Variants in KIZ observed in about 807,000 individuals in gnomAD.
KIZ encodes kizuna centrosomal protein, also known as centrosomal protein kizuna.
Under a neutral mutation model 79.6 loss-of-function variants are expected in KIZ, and 68 were observed. That is an observed-to-expected ratio of 0.85 (90% CI 0.70 to 1.05). The LOEUF (loss-of-function observed/expected upper bound fraction) is 1.05, where lower values mean the gene tolerates loss of function less well. Among genes scored for constraint, KIZ ranks in the 50% least tolerant of loss-of-function variants. KIZ has a pLI of 0.00. For missense variants in KIZ, 797 were observed against 800.4 expected (o/e 1.00, Z 0.05); for synonymous variants, 280 against 281.8 (o/e 0.99, Z 0.06).
intron 2 of KIZ, among the ~76,000 whole-genome samples, chr20:21,134,473 C>T (rs778927674): frequency 6.6e-6 from 1 of 152,142 alleles, no homozygotes; most frequent in Non-Finnish European, 1.5e-5. Context: ...CACTAAGATT[C>T]ATACAAACCC....
chr20:21,240,712 GCCC>G (rs2037188894), intron 11 of KIZ, among the ~76,000 whole-genome samples: 2 of 151,788 alleles, frequency 1.3e-5, no homozygotes, highest in East Asian at 1.9e-4. Flanking sequence ...AGTCCATACG[GCCC>G]GCAAGCTAAG....
At chr20:21,205,414 G>T (rs140330456) in intron 6 of KIZ, 77 bp from the exon 7 acceptor site, 2 of 601,426 alleles carry the variant, frequency 3.3e-6, no homozygotes, top group Non-Finnish European at 5.8e-6. Flanking sequence ...TTCTACTAAC[G>T]TAATTGAGGC....
intron 4 of KIZ, among the ~76,000 whole-genome samples, chr20:21,157,414 G>C (rs917852448): frequency 2.0e-5 from 3 of 152,154 alleles, no homozygotes; most frequent in Admixed American, 1.3e-4. Context: ...GTCTGGCAAT[G>C]CTTGGCAAAA....
In KIZ at chr20:21,174,566, G is replaced by A. The variant is rs76898596; in HGVS notation, c.1352+11407G>A. Among the ~76,000 whole-genome samples the A allele has an allele frequency of 9.6e-3, 1,468 of 152,260 alleles. 26 individuals carry two copies. The highest frequency in any genetic ancestry group is 0.034 in the African/African-American group (1,394 of 41,546). ...CAGTGGCAATTTGACCTCTTACTCC[G>A]TCCATATTGATTTTTGTGCTTTCCA... On this transcript the variant is annotated intron_variant, in intron 6 of 12. Transcript: ENST00000619189.
At chr20:21,137,743 A>AT (rs2122393152) in intron 3 of KIZ, among the ~76,000 whole-genome samples, 1 of 152,136 alleles carries the variant, frequency 6.6e-6, no homozygotes, top group East Asian at 1.9e-4. Flanking sequence ...CTACATAATC[A>AT]TACCATTATC....
At chr20:21,153,144 A>G (rs887671339) in intron 4 of KIZ, among the ~76,000 whole-genome samples, 2 of 152,170 alleles carry the variant, frequency 1.3e-5, no homozygotes, top group Admixed American at 6.5e-5. Context: ...GATTGTTTTC[A>G]TAATATAAAT....
chr20:21,240,738 A>G (rs1037667287), intron 11 of KIZ, among the ~76,000 whole-genome samples: 3 of 152,196 alleles, frequency 2.0e-5, no homozygotes, highest in African/African-American at 7.2e-5. Flanking sequence ...TGGTTTTCAC[A>G]TTTTTAAATG....
intron 6 of KIZ, among the ~76,000 whole-genome samples, chr20:21,189,755 GAGA>G (rs759835118): frequency 1.2e-4 from 19 of 152,204 alleles, no homozygotes; most frequent in Admixed American, 2.0e-4. Context: ...TCCAGGTAAA[GAGA>G]AGGAGCCCTT....
chr20:21,161,891 T>C lies in KIZ; in HGVS notation c.426T>C (p.Ile142=), dbSNP rs1600415783. Residue 142 remains isoleucine, a synonymous_variant, in exon 5 of 13, where the codon ATT becomes ATC. Coordinates refer to ENST00000619189, the MANE Select transcript of KIZ (RefSeq NM_018474.6). ...TGCAGGTTGCAGTGCACGAGGGGAT[T>C]AACTCAGGAACAGCCATGTCAAGAG... ...DREKVAVHEG[I]NSGTAMSRGL... The C allele has an allele frequency of 6.2e-7, 1 of 1,612,762 alleles. No individual in the cohort carries two copies. Among genetic ancestry groups the C allele is most frequent in the African/African-American group, 1.3e-5 (1 of 74,948 alleles).
intron 6 of KIZ, among the ~76,000 whole-genome samples, chr20:21,179,062 A>C (rs538258552): frequency 1.5e-4 from 23 of 152,066 alleles, no homozygotes; most frequent in Non-Finnish European, 2.9e-4. Context: ...TGGGTTTGGC[A>C]TCAGGGTAAT....
chr20:21,163,508 T>A (rs997654464), intron 6 of KIZ, among the ~76,000 whole-genome samples: 2 of 152,200 alleles, frequency 1.3e-5, no homozygotes, highest in Non-Finnish European at 2.9e-5. Flanking sequence ...TGTTTTGAAG[T>A]TTTGGTACCA....
chr20:21,211,073 T>G (rs1341355949), intron 7 of KIZ, among the ~76,000 whole-genome samples: 1 of 152,246 alleles, frequency 6.6e-6, no homozygotes, highest in African/African-American at 2.4e-5. Context: ...GTCTTTTCTA[T>G]TAATGTCTTA....
At chr20:21,168,184 C>T (rs2034037674) in intron 6 of KIZ, among the ~76,000 whole-genome samples, 1 of 152,040 alleles carries the variant, frequency 6.6e-6, no homozygotes, top group South Asian at 2.1e-4. Context: ...GGTTTTTTGT[C>T]CTTGCGATAA....
intron 6 of KIZ, among the ~76,000 whole-genome samples, chr20:21,177,883 G>T (rs2034500699): frequency 6.6e-6 from 1 of 152,074 alleles, no homozygotes; most frequent in East Asian, 1.9e-4. Context: ...TCAGTTGACT[G>T]CATATGCATG....
chr20:21,196,311 C>G (rs1213285075), intron 6 of KIZ: 1 of 152,684 alleles, frequency 6.5e-6, no homozygotes, highest in African/African-American at 2.4e-5. Flanking sequence ...CAAATGTCAT[C>G]TCCCCTTCTC....
intron 11 of KIZ, 36 bp from the exon 12 acceptor site, chr20:21,244,208 TC>T: frequency 6.7e-7 from 1 of 1,487,440 alleles, no homozygotes; most frequent in South Asian, 1.1e-5. Flanking sequence ...CATTGTCTTT[TC>T]TTTTTCAGAA....
rs535016529 is a variant in KIZ, at chr20:21,169,144, G to A, written c.1352+5985G>A. Among the ~76,000 whole-genome samples, 3 of 152,180 alleles carry A rather than the reference G, an allele frequency of 2.0e-5. No homozygotes were observed. In the East Asian group the frequency reaches 5.8e-4, roughly 29 times the overall value. ...AAGAAACAACCATCAGAGTGAACAG[G>A]CAACCTACAGCATGGGAGAAAATTT... On this transcript the variant is annotated intron_variant, in intron 6 of 12. Transcript: ENST00000619189.
chr20:21,211,569 G>A (rs2036068971), intron 7 of KIZ, among the ~76,000 whole-genome samples: 1 of 152,114 alleles, frequency 6.6e-6, no homozygotes, highest in South Asian at 2.1e-4. Context: ...TTGTCTAATG[G>A]CATTTTTTTC....
chr20:21,217,956 A>G (rs2036361644), intron 9 of KIZ, among the ~76,000 whole-genome samples: 1 of 152,154 alleles, frequency 6.6e-6, no homozygotes, highest in Non-Finnish European at 1.5e-5. Context: ...AAGAGTGGAC[A>G]CTTTCAGTCT....
Sources: gnomAD v4.1 joint callset for allele counts (sites outside exome capture counted in the v4.1 genomes callset) on GRCh38, gnomAD v4.1.1 for gene constraint, MANE v1.5 for transcripts, NCBI Gene and HGNC (gene_info 2026-07-23, HGNC 2026-07-21) for gene names.